Variants in ZDHHC23 observed in about 807,000 individuals in gnomAD.
ZDHHC23 encodes zDHHC palmitoyltransferase 23, also known as palmitoyltransferase ZDHHC23.
A neutral mutation model predicts 40.2 loss-of-function variants in ZDHHC23; 41 were observed. The ratio of observed to expected loss-of-function variants is 1.02; its 90% CI spans 0.79 to 1.32. The LOEUF (loss-of-function observed/expected upper bound fraction) is 1.32. Among genes scored for constraint, ZDHHC23 ranks in the 40% most tolerant of loss-of-function variants. The pLI is 0.00. For missense variants in ZDHHC23, 471 were observed against 541.5 expected (o/e 0.87, Z 1.29); for synonymous variants, 204 against 210.2 (o/e 0.97, Z 0.26).
At chr3:113,958,281 A>C (rs1939423530) in intron 4 of ZDHHC23, 82 bp from the exon 5 acceptor site, 5 of 1,333,642 alleles carry the variant, frequency 3.7e-6, no homozygotes, top group Non-Finnish European at 4.2e-6. Context: ...ATAAGTAAAA[A>C]AATGTGTAAA....
Position 113,958,949 on chromosome 3 carries a change from A to C in ZDHHC23, c.*319A>C. 1 of 1,207,926 alleles carries C rather than the reference A, an allele frequency of 8.3e-7. No homozygotes were observed. Among genetic ancestry groups the C allele is most frequent in the Non-Finnish European group, 1.0e-6 (1 of 953,128 alleles). The allele number at this position is 1,207,926 out of a possible 1,614,324, so 74.8% of individuals were successfully genotyped here. Reference sequence around the variant, plus strand: ...TCCCATCCATTAGTATGGAGGAAAGAGTGTTGGATTAGGATAGTTTCTAGT... The same window carrying C: ...TCCCATCCATTAGTATGGAGGAAAGCGTGTTGGATTAGGATAGTTTCTAGT... On this transcript the variant is annotated 3_prime_UTR_variant, in exon 5 of 5. Coordinates refer to ENST00000638807, the MANE Select transcript of ZDHHC23 (RefSeq NM_001320466.2).
rs1270845402 is a variant in ZDHHC23, at chr3:113,960,138, AGCAAGAGATT to A, written c.*1509_*1518del. 28 of 990,590 alleles carry A rather than the reference AGCAAGAGATT, an allele frequency of 2.8e-5. 1 individual carries two copies. In the African/African-American group the frequency reaches 4.7e-4, roughly 17 times the overall value. The allele number at this position is 990,590 out of a possible 1,614,324, so 61.4% of individuals were successfully genotyped here. A position where few individuals can be genotyped will look rare whatever the true frequency, so the allele number is the denominator to read the frequency against. On this transcript the variant is annotated 3_prime_UTR_variant, in exon 5 of 5. Transcript: ENST00000638807. ...CAGTCATTCTGTGCATGCTGCTTTA[AGCAAGAGATT>A]TATATTTGTTGAGAGGAAATATTGC...
chr3:113,976,343 G>A, the ZDHHC23 span, among the ~76,000 whole-genome samples: 1 of 151,968 alleles, frequency 6.6e-6, no homozygotes, highest in East Asian at 1.9e-4. Context: ...GAAGACTGAT[G>A]TAGCAAGAAG....
chr3:113,973,027 T>C, the ZDHHC23 span, among the ~76,000 whole-genome samples: 2 of 152,188 alleles, frequency 1.3e-5, no homozygotes, highest in Admixed American at 6.5e-5. Context: ...TGTCTTTTAA[T>C]TGGAGAACTG....
intron 2 of ZDHHC23, 118 bp downstream of exon 2, chr3:113,949,081 C>A: frequency 7.3e-7 from 1 of 1,362,440 alleles, no homozygotes; most frequent in Non-Finnish European, 1.0e-6. Flanking sequence ...TTCCAAGCAT[C>A]TAAAATGAGA....
intron 3 of ZDHHC23, among the ~76,000 whole-genome samples, chr3:113,955,247 G>C (rs1163290944): frequency 1.3e-5 from 2 of 152,228 alleles, no homozygotes; most frequent in African/African-American, 4.8e-5. Context: ...GCATTGGCGT[G>C]GGCCTCAAGT....
At chr3:113,966,094 G>A (rs1339956933), downstream of ZDHHC23, among the ~76,000 whole-genome samples, 2 of 152,126 alleles carry the variant, frequency 1.3e-5, no homozygotes, top group Non-Finnish European at 2.9e-5. Context: ...CAAAAATGAT[G>A]GAAAATTGCG....
At chr3:113,951,949 A>C (rs937136555) in intron 2 of ZDHHC23, among the ~76,000 whole-genome samples, 19 of 152,048 alleles carry the variant, frequency 1.2e-4, no homozygotes, top group African/African-American at 4.6e-4. Flanking sequence ...ACCAGCCTGA[A>C]CGACATGGAG....
At chr3:113,971,720 G>GT in the ZDHHC23 span, among the ~76,000 whole-genome samples, 792 of 151,208 alleles carry the variant, frequency 5.2e-3, 8 homozygotes, top group African/African-American at 0.018. Flanking sequence ...CTCCTCTTCA[G>GT]TTTTTTTTTG....
At position 113,959,148 on chromosome 3, in the gene ZDHHC23, A is replaced by G. The variant is rs947380696; in HGVS notation, c.*518A>G. Reference sequence around the variant, plus strand: ...AGCACTAAAAAACAACTCAAGAGCCATGGAAATACAAAGTATTAGGAAAAT... The same window carrying G: ...AGCACTAAAAAACAACTCAAGAGCCGTGGAAATACAAAGTATTAGGAAAAT... On this transcript the variant is annotated 3_prime_UTR_variant, in exon 5 of 5. Coordinates refer to ENST00000638807, the MANE Select transcript of ZDHHC23 (RefSeq NM_001320466.2). The G allele has an allele frequency of 1.5e-5, 16 of 1,053,534 alleles. No individual in the cohort carries two copies. Among genetic ancestry groups the G allele is most frequent in the Non-Finnish European group, 1.9e-5 (16 of 860,580 alleles). The allele number at this position is 1,053,534 out of a possible 1,614,324, so 65.3% of individuals were successfully genotyped here. A position where few individuals can be genotyped will look rare whatever the true frequency, so the allele number is the denominator to read the frequency against.
rs770470986 is a variant in ZDHHC23 at position 113,956,410 on chromosome 3, C to T, written c.944C>T (p.Ser315Leu). The change falls in exon 4 of 5, where the codon TCG (serine) becomes TTG (leucine). Residue 315 changes from serine to leucine, a missense_variant. Ser to Leu is a moderately radical substitution (Grantham distance 145). This residue lies in a region of ZDHHC23 where 346 missense variants were observed against 399.8 expected (regional missense o/e 0.87). Coordinates refer to ENST00000638807, the MANE Select transcript of ZDHHC23 (RefSeq NM_001320466.2). ...GCCCTTTTGATCTTCTTGCTCACCTCGGTGTATGGGATCACACTGACCTTG... is the reference window on the plus strand; with the variant it reads ...GCCCTTTTGATCTTCTTGCTCACCTTGGTGTATGGGATCACACTGACCTTG... Reference protein sequence around the residue: ...ILALLIFLLTSVYGITLTLDT... With the variant: ...ILALLIFLLTLVYGITLTLDT... 5.6e-6 allele frequency: 9 copies of T among 1,614,172 alleles called. No individual in the cohort carries two copies. The highest frequency in any genetic ancestry group is 3.3e-5 in the South Asian group (3 of 91,082).
At chr3:113,949,188 G>A (rs1274617707) in intron 2 of ZDHHC23, among the ~76,000 whole-genome samples, 2 of 152,174 alleles carry the variant, frequency 1.3e-5, no homozygotes, top group Non-Finnish European at 2.9e-5. Flanking sequence ...ATTATTTTTC[G>A]TTTAAAGAGA....
At chr3:113,953,563 T>G (rs956345978) in intron 2 of ZDHHC23, 137 bp from the exon 3 acceptor site, 16 of 713,404 alleles carry the variant, frequency 2.2e-5, no homozygotes, top group Non-Finnish European at 3.2e-5. Context: ...AAAAGCTTAA[T>G]TTAGTAGTAA....
In ZDHHC23 at chr3:113,953,784, T is replaced by G. The variant is rs1489906848; in HGVS notation, c.246T>G (p.Leu82=). The part of the protein sequence containing the change: ...TISDRLRIPW[L]RGAKKVNISI... Reference sequence around the variant, plus strand: ...CTGATCGCCTCCGAATTCCTTGGCTTAGGGGAGCCAAAAAAGTGAACATCA... The same window carrying G: ...CTGATCGCCTCCGAATTCCTTGGCTGAGGGGAGCCAAAAAAGTGAACATCA... Residue 82 remains leucine (L), a synonymous_variant, in exon 3 of 5, where the codon CTT becomes CTG. Transcript: ENST00000638807. The G allele has an allele frequency of 6.2e-7, 1 of 1,614,226 alleles. No individual in the cohort carries two copies. Among genetic ancestry groups the G allele is most frequent in the East Asian group, 2.2e-5 (1 of 44,886 alleles).
chr3:113,949,384 T>C (rs1394178987), intron 2 of ZDHHC23, among the ~76,000 whole-genome samples: 1 of 152,200 alleles, frequency 6.6e-6, no homozygotes, highest in Non-Finnish European at 1.5e-5. Flanking sequence ...ACAGAGGGCC[T>C]TGTGGGTTGA....
At position 113,954,250 on chromosome 3, in the gene ZDHHC23, A is replaced by G. The variant is rs148086727; in HGVS notation, c.712A>G (p.Thr238Ala). 206 of 1,614,178 alleles carry G rather than the reference A, an allele frequency of 1.3e-4. 2 individuals carry two copies. The East Asian group carries it at 4.0e-3, about 32-fold the overall frequency. The change falls in exon 3 of 5, where the codon ACA becomes GCA. Residue 238 changes from threonine to alanine, a missense_variant. By Grantham distance (58) the Thr-to-Ala change is moderately conservative. Coordinates refer to ENST00000638807, the MANE Select transcript of ZDHHC23 (RefSeq NM_001320466.2). ...DMSGSLNNRTTKDDPKGSSKM... is the reference protein window; with the variant it reads ...DMSGSLNNRTAKDDPKGSSKM... ...GTCGGGCAGTCTCAACAATCGCACA[A>G]CAAAGGATGACCCCAAGGGCTCTTC... is the stretch of plus-strand genomic sequence containing the variant.
chr3:113,956,401 T>C lies in ZDHHC23; in HGVS notation c.935T>C (p.Leu312Ser), dbSNP rs548217659. 4 of 1,614,266 alleles carry C rather than the reference T, an allele frequency of 2.5e-6. No homozygotes were observed. In the South Asian group the frequency reaches 4.4e-5, roughly 18 times the overall value. Residue 312 changes from leucine to serine, a missense_variant, in exon 4 of 5, where the codon TTG becomes TCG. Leu to Ser is a moderately radical substitution (Grantham distance 145, BLOSUM62 -2). Coordinates refer to ENST00000638807, the MANE Select transcript of ZDHHC23 (RefSeq NM_001320466.2). ...TTTATACTTGCCCTTTTGATCTTCT[T>C]GCTCACCTCGGTGTATGGGATCACA... ...QAFILALLIF[L>S]LTSVYGITLT...
At chr3:113,954,461 C>G in intron 3 of ZDHHC23, 51 bp downstream of exon 3, 1 of 1,457,596 alleles carries the variant, frequency 6.9e-7, no homozygotes, top group Non-Finnish European at 9.2e-7. Flanking sequence ...ATGTAAAACT[C>G]TAGTTACATT....
the ZDHHC23 span, chr3:113,979,054 A>T: frequency 6.4e-7 from 1 of 1,564,430 alleles, no homozygotes; most frequent in Admixed American, 1.7e-5. Flanking sequence ...TTAAATTTTA[A>T]ATCATTTAAA....
Sources: allele counts gnomAD v4.1 joint callset (sites outside exome capture counted in the v4.1 genomes callset), GRCh38; gene constraint gnomAD v4.1.1; regional missense constraint gnomAD v4.1.1; transcripts MANE v1.5; gene names NCBI Gene and HGNC (gene_info 2026-07-23, HGNC 2026-07-21).